The following SPOCK3 variants were observed in gnomAD, a reference collection of about 807,000 sequenced individuals.
The protein encoded by SPOCK3 is SPARC (osteonectin), cwcv and kazal like domains proteoglycan 3.
SPOCK3 carries 30 observed loss-of-function variants against 56.6 expected under a neutral mutation model. The observed-to-expected ratio is 0.53, with a 90% CI of 0.40 to 0.72. SPOCK3 has a LOEUF of 0.72. Among genes scored for constraint, SPOCK3 ranks in the 30% least tolerant of loss-of-function variants. SPOCK3 has a pLI of 0.00. For synonymous variants in SPOCK3, 196 were observed against 183.3 expected (o/e 1.07, Z -0.56); for missense variants, 527 against 530.0 (o/e 0.99, Z 0.06).
intron 3 of SPOCK3, among the ~76,000 whole-genome samples, chr4:167,058,441 AAG>A (rs1755164178): frequency 6.6e-6 from 1 of 152,166 alleles, no homozygotes; most frequent in Non-Finnish European, 1.5e-5. Context: ...TCCAACTTAC[AAG>A]GGATGTGAAG....
chr4:166,777,510 C>G (rs1306724420), intron 7 of SPOCK3, among the ~76,000 whole-genome samples: 1 of 152,052 alleles, frequency 6.6e-6, no homozygotes, highest in Non-Finnish European at 1.5e-5. Flanking sequence ...AGTGTGGTGG[C>G]TCAGGCCATT....
intron 4 of SPOCK3, among the ~76,000 whole-genome samples, chr4:166,946,790 C>T (rs1005949199): frequency 8.5e-5 from 13 of 152,128 alleles, no homozygotes; most frequent in Admixed American, 8.5e-4. Flanking sequence ...ACAGCATGGG[C>T]AGGAATGGTG....
chr4:167,084,661 A>C (rs541584022), intron 2 of SPOCK3, among the ~76,000 whole-genome samples: 1 of 152,270 alleles, frequency 6.6e-6, no homozygotes, highest in South Asian at 2.1e-4. Flanking sequence ...AGGGATCCAC[A>C]CTAAAGGAGC....
At chr4:166,900,963 C>T (rs1735986028) in intron 5 of SPOCK3, among the ~76,000 whole-genome samples, 1 of 152,258 alleles carries the variant, frequency 6.6e-6, no homozygotes, top group East Asian at 1.9e-4. Flanking sequence ...TGACATCTTT[C>T]CTCCCCAAGG....
At chr4:166,867,617 A>C (rs1230780523) in intron 6 of SPOCK3, among the ~76,000 whole-genome samples, 1 of 146,318 alleles carries the variant, frequency 6.8e-6, no homozygotes, top group African/African-American at 2.4e-5. Flanking sequence ...TAAATAAGTA[A>C]AAATAATTAA....
chr4:166,883,160 T>C (rs1457052919), intron 6 of SPOCK3: 1 of 152,166 alleles, frequency 6.6e-6, no homozygotes, highest in African/African-American at 2.4e-5. Flanking sequence ...ATGGCATACA[T>C]TAATTCTTAA....
chr4:167,144,532 G>A (rs1163005208), intron 2 of SPOCK3, among the ~76,000 whole-genome samples: 3 of 151,802 alleles, frequency 2.0e-5, no homozygotes, highest in African/African-American at 7.3e-5. Context: ...GGCTTAACAA[G>A]CACTCCATAA....
chr4:166,930,977 A>G (rs534001675), intron 4 of SPOCK3, among the ~76,000 whole-genome samples: 246 of 152,226 alleles, frequency 1.6e-3, no homozygotes, highest in Non-Finnish European at 2.9e-3. Flanking sequence ...ATTTGCCTAC[A>G]CACAGAAACA....
At chr4:167,165,535 G>A (rs569991878) in intron 2 of SPOCK3, among the ~76,000 whole-genome samples, 12 of 152,102 alleles carry the variant, frequency 7.9e-5, no homozygotes, top group South Asian at 6.2e-4. Context: ...TCAGAATGGC[G>A]ATTATTAAAA....
chr4:167,048,150 T>C (rs558184869), intron 3 of SPOCK3, among the ~76,000 whole-genome samples: 1 of 152,136 alleles, frequency 6.6e-6, no homozygotes, highest in Admixed American at 6.5e-5. Context: ...AATTAAAGCA[T>C]GTAAGAGGCA....
At position 167,205,277 on chromosome 4, in the gene SPOCK3, ATT is replaced by A. The variant is rs1282091145; in HGVS notation, c.189+28706_189+28707del. Reference sequence around the variant, plus strand: ...TATATATTTTATATCTATAATATATATTATATATATTTTATATCTATAATATA... The same window carrying A: ...TATATATTTTATATCTATAATATATAATATATATTTTATATCTATAATATA... On this transcript the variant is annotated intron_variant, in intron 2 of 10. Transcript: ENST00000357545. Among the ~76,000 whole-genome samples, 369 of 69,588 alleles carry A rather than the reference ATT, an allele frequency of 5.3e-3. 8 individuals carry two copies. The highest frequency in any genetic ancestry group is 0.021 in the African/African-American group (353 of 16,648). The allele number at this position is 69,588 out of a possible 152,430, so 45.7% of individuals were successfully genotyped here. A position where few individuals can be genotyped will look rare whatever the true frequency, so the allele number is the denominator to read the frequency against.
At chr4:167,016,299 T>C (rs1750608334) in intron 3 of SPOCK3, among the ~76,000 whole-genome samples, 4 of 152,204 alleles carry the variant, frequency 2.6e-5, no homozygotes, top group Admixed American at 2.6e-4. Context: ...AGAACAACAA[T>C]GAATCTGAAA....
At chr4:167,231,518 G>T (rs1455800094) in intron 2 of SPOCK3, among the ~76,000 whole-genome samples, 1 of 152,064 alleles carries the variant, frequency 6.6e-6, no homozygotes, top group Admixed American at 6.6e-5. Context: ...TTTGAGATAT[G>T]AATGCTCATG....
chr4:166,981,543 A>G (rs1746570630), intron 4 of SPOCK3, among the ~76,000 whole-genome samples: 1 of 152,152 alleles, frequency 6.6e-6, no homozygotes, highest in Non-Finnish European at 1.5e-5. Context: ...GGCTGAGTCC[A>G]GGGTTTTTAT....
intron 6 of SPOCK3, among the ~76,000 whole-genome samples, chr4:166,813,661 G>T (rs960063942): frequency 4.6e-5 from 7 of 151,290 alleles, no homozygotes; most frequent in Non-Finnish European, 7.4e-5. Flanking sequence ...AGGTAAAAAA[G>T]AAAATATATA....
chr4:166,743,628 C>T (rs1313877597), intron 8 of SPOCK3, among the ~76,000 whole-genome samples: 3 of 152,126 alleles, frequency 2.0e-5, no homozygotes, highest in African/African-American at 7.2e-5. Context: ...GTGCAGCCCA[C>T]AGAGTATGAG....
chr4:166,986,549 T>G (rs1747194771), intron 4 of SPOCK3, among the ~76,000 whole-genome samples: 1 of 152,120 alleles, frequency 6.6e-6, no homozygotes, highest in African/African-American at 2.4e-5. Flanking sequence ...ATCTTACCAT[T>G]TATAATTTTA....
At chr4:167,014,276 GT>G (rs35966501) in intron 3 of SPOCK3, among the ~76,000 whole-genome samples, 88,843 of 138,842 alleles carry the variant, frequency 0.64, 28,087 homozygotes, top group East Asian at 0.79. Flanking sequence ...TCTTGAGTGG[GT>G]TTTTTTTTTT....
intron 5 of SPOCK3, among the ~76,000 whole-genome samples, chr4:166,910,425 G>A (rs768157936): frequency 6.6e-6 from 1 of 152,040 alleles, no homozygotes; most frequent in Non-Finnish European, 1.5e-5. Flanking sequence ...TATAAGCCAA[G>A]GTATCACAGT....
Sources: allele counts gnomAD v4.1 joint callset (sites outside exome capture counted in the v4.1 genomes callset), GRCh38; gene constraint gnomAD v4.1.1; transcripts MANE v1.5; gene names NCBI Gene and HGNC (gene_info 2026-07-23, HGNC 2026-07-21).